Variants in USP53 observed in about 807,000 individuals in gnomAD.
USP53 encodes ubiquitin carboxyl-terminal hydrolase 53.
USP53 carries 71 observed loss-of-function variants against 94.9 expected under a neutral mutation model. That is an observed-to-expected ratio of 0.75 (90% CI 0.62 to 0.91). The LOEUF (loss-of-function observed/expected upper bound fraction) is 0.91, where lower values mean the gene tolerates loss of function less well. Among genes scored for constraint, USP53 ranks in the 40% least tolerant of loss-of-function variants. The pLI is 0.00. For synonymous variants in USP53, 375 were observed against 422.7 expected (o/e 0.89, Z 1.39); for missense variants, 1,173 against 1,281.0 (o/e 0.92, Z 1.29).
At chr4:119,253,614 C>T (rs1015689147) in intron 7 of USP53, among the ~76,000 whole-genome samples, 2 of 152,060 alleles carry the variant, frequency 1.3e-5, no homozygotes, top group African/African-American at 4.8e-5. Context: ...ATGTGTGTCT[C>T]TGCACATGAG....
chr4:119,269,750 C>T lies in USP53; in HGVS notation c.1348C>T (p.Leu450=). 1 of 1,510,800 alleles carries T rather than the reference C, an allele frequency of 6.6e-7. No homozygotes were observed. The highest frequency in any genetic ancestry group is 8.8e-7 in the Non-Finnish European group (1 of 1,131,764). The allele number at this position is 1,510,800 out of a possible 1,614,324, so 93.6% of individuals were successfully genotyped here. The change falls in exon 15 of 19, where the codon CTG becomes TTG. Residue 450 remains leucine, a synonymous_variant. Transcript: ENST00000692078. The stretch of plus-strand genomic sequence containing the variant: ...AAAAGACATTTCCAGAGAATGTGCT[C>T]TGAAAGCTATTGAACAGAAAAACTT... ...KIKDISRECA[L]KAIEQKNLLS...
chr4:119,265,595 T>C (rs1296823909), intron 12 of USP53, among the ~76,000 whole-genome samples: 1 of 152,016 alleles, frequency 6.6e-6, no homozygotes, highest in African/African-American at 2.4e-5. Context: ...CCCCTGAACC[T>C]GGGAGGTGGA....
At chr4:119,256,043 A>G (rs1220714343) in intron 7 of USP53, among the ~76,000 whole-genome samples, 1 of 150,582 alleles carries the variant, frequency 6.6e-6, no homozygotes, top group Admixed American at 6.6e-5. Context: ...TAATTAAACA[A>G]CATTTTCTTT....
intron 3 of USP53, among the ~76,000 whole-genome samples, chr4:119,225,104 T>G (rs1253994070): frequency 6.6e-6 from 1 of 151,808 alleles, no homozygotes; most frequent in African/African-American, 2.4e-5. Flanking sequence ...GTATCAGGAG[T>G]GAAAGAATGG....
At chr4:119,227,243 C>T (rs1745373878) in intron 3 of USP53, among the ~76,000 whole-genome samples, 1 of 88,168 alleles carries the variant, frequency 1.1e-5, no homozygotes, top group South Asian at 3.7e-4. Flanking sequence ...TAATCCAAAG[C>T]CTTGTCTAAC....
chr4:119,283,005 T>C (rs1322172044), intron 17 of USP53, among the ~76,000 whole-genome samples: 1 of 152,008 alleles, frequency 6.6e-6, no homozygotes, highest in East Asian at 1.9e-4. Flanking sequence ...GACCAAAATC[T>C]ATAATAATGC....
At position 119,245,323 on chromosome 4, in the gene USP53, TC is replaced by T. The variant is rs1290825462; in HGVS notation, c.145-11del. 3 of 1,611,140 alleles carry T rather than the reference TC, an allele frequency of 1.9e-6. No homozygotes were observed. In the South Asian group the frequency reaches 3.3e-5, roughly 18 times the overall value. ...TGTTTATTTCTTTTTCCTTAACATC[TC>T]CCTGTTTTTTAGGTTTTATGGCAAT... On this transcript the variant is annotated splice_polypyrimidine_tract_variant and intron_variant, in intron 5 of 18. Coordinates refer to ENST00000692078, the MANE Select transcript of USP53 (RefSeq NM_001371395.1).
At chr4:119,215,727 G>C (rs1179676933) in intron 2 of USP53, among the ~76,000 whole-genome samples, 1 of 152,038 alleles carries the variant, frequency 6.6e-6, no homozygotes, top group South Asian at 2.1e-4. Flanking sequence ...ACAAGAAAAG[G>C]CTACAAACCA....
chr4:119,283,710 T>C (rs1479779853), intron 17 of USP53, among the ~76,000 whole-genome samples: 5 of 151,896 alleles, frequency 3.3e-5, no homozygotes, highest in Non-Finnish European at 1.5e-5. Flanking sequence ...ATTTACTATT[T>C]AGCAAAATGG....
At chr4:119,283,019 C>T (rs528886956) in intron 17 of USP53, among the ~76,000 whole-genome samples, 3 of 151,906 alleles carry the variant, frequency 2.0e-5, no homozygotes, top group South Asian at 4.2e-4. Context: ...ATAATGCCAC[C>T]GTTATTTCTT....
chr4:119,257,404 C>T (rs1360207331), intron 9 of USP53, among the ~76,000 whole-genome samples: 1 of 152,214 alleles, frequency 6.6e-6, no homozygotes, highest in Non-Finnish European at 1.5e-5. Context: ...TGCGCCACTG[C>T]ACTCCAGCCT....
chr4:119,254,960 T>C (rs1297044298), intron 7 of USP53, among the ~76,000 whole-genome samples: 3 of 152,242 alleles, frequency 2.0e-5, no homozygotes, highest in African/African-American at 7.2e-5. Context: ...TTTGTTAGTT[T>C]TCCTTCTAAC....
intron 16 of USP53, chr4:119,273,430 T>C (rs963047759): frequency 3.9e-5 from 17 of 430,932 alleles, no homozygotes; most frequent in African/African-American, 3.4e-4. Context: ...ATTTTAATTA[T>C]TGGGCAAATT....
intron 1 of USP53, among the ~76,000 whole-genome samples, chr4:119,213,660 A>ATATATATATGTGTGTGTGTGTGTG: frequency 2.0e-4 from 23 of 117,736 alleles, no homozygotes; most frequent in South Asian, 5.8e-4. Context: ...ATATATATAT[A>ATATATATATGTGTGTGTGTGTGTG]TGTGTGTGTG....
chr4:119,249,745 A>C (rs552183451), intron 7 of USP53, among the ~76,000 whole-genome samples: 13 of 146,210 alleles, frequency 8.9e-5, no homozygotes, highest in African/African-American at 3.3e-4. Context: ...GCTCACTGCA[A>C]GCTCCACCTC....
intron 3 of USP53, among the ~76,000 whole-genome samples, chr4:119,230,978 A>G (rs192337670): frequency 6.6e-6 from 1 of 152,166 alleles, no homozygotes; most frequent in South Asian, 2.1e-4. Context: ...GCATATCTGC[A>G]CAGCCCATGC....
intron 14 of USP53, among the ~76,000 whole-genome samples, chr4:119,268,624 T>TA (rs1480472766): frequency 6.6e-6 from 1 of 152,272 alleles, no homozygotes; most frequent in African/African-American, 2.4e-5. Flanking sequence ...TTGAGTTTCT[T>TA]CATGCACTCA....
chr4:119,245,412 A>G lies in USP53; in HGVS notation c.220A>G (p.Ile74Val). ...TGHVCQGDAC[I>V]FCALKTIFAQ... ...ACATGTTTGTCAGGGAGATGCCTGT[A>G]TATTTTGTGCATTGAAGGTAACCTT... The change falls in exon 6 of 19, where the codon ATA (isoleucine) becomes GTA (valine). Residue 74 changes from isoleucine (I) to valine (V), a missense_variant. Physicochemically the swap from Ile to Val is conservative, Grantham distance 29 (BLOSUM62 3). Coordinates refer to ENST00000692078, the MANE Select transcript of USP53 (RefSeq NM_001371395.1). The G allele has an allele frequency of 6.2e-7, 1 of 1,613,858 alleles. No homozygotes were observed. Among genetic ancestry groups the G allele is most frequent in the Non-Finnish European group, 8.5e-7 (1 of 1,179,860 alleles).
In USP53 at chr4:119,269,750, C is replaced by G; in HGVS notation, c.1348C>G (p.Leu450Val). The G allele has an allele frequency of 6.6e-7, 1 of 1,510,800 alleles. No homozygotes were observed. The allele number at this position is 1,510,800 out of a possible 1,614,324, so 93.6% of individuals were successfully genotyped here. A position where few individuals can be genotyped will look rare whatever the true frequency, so the allele number is the denominator to read the frequency against. The change falls in exon 15 of 19, where the codon CTG becomes GTG. Residue 450 changes from leucine to valine, a missense_variant. Transcript: ENST00000692078. ...AAAAGACATTTCCAGAGAATGTGCT[C>G]TGAAAGCTATTGAACAGAAAAACTT... ...KIKDISRECA[L>V]KAIEQKNLLS...
Sources: gnomAD v4.1 joint callset for allele counts (sites outside exome capture counted in the v4.1 genomes callset) on GRCh38, gnomAD v4.1.1 for gene constraint, MANE v1.5 for transcripts, NCBI Gene and HGNC (gene_info 2026-07-23, HGNC 2026-07-21) for gene names.